ALDH3A2: variants seen among roughly 807,000 people sequenced by gnomAD.
ALDH3A2 encodes the protein aldehyde dehydrogenase family 3 member A2.
Under a neutral mutation model 51.3 loss-of-function variants are expected in ALDH3A2, and 36 were observed. The observed-to-expected ratio is 0.70, with a 90% CI of 0.54 to 0.93. The LOEUF is 0.93. ALDH3A2 is among the 40% of genes least tolerant of loss of function. The pLI, the probability that ALDH3A2 is intolerant of heterozygous loss-of-function variation, is 0.00. For synonymous variants in ALDH3A2, 199 were observed against 219.8 expected, an observed-to-expected ratio of 0.91 and a Z score of 0.84; for missense variants, 552 against 603.1, an observed-to-expected ratio of 0.92 and a Z score of 0.89.
At chr17:19,672,028 C>A in intron 9 of ALDH3A2, 72 bp downstream of exon 9, 2 of 1,319,234 alleles carry the variant, frequency 1.5e-6, no homozygotes, top group Non-Finnish European at 2.2e-6. Flanking sequence ...CATATTCTAG[C>A]AGGACTCTAC....
intron 9 of ALDH3A2, 118 bp from the exon 10 acceptor site, chr17:19,675,440 T>A (rs2085174994): frequency 1.9e-6 from 2 of 1,035,224 alleles, no homozygotes; most frequent in Non-Finnish European, 3.1e-6. Context: ...ACAATGCATG[T>A]AGAGTCTCTT....
intron 8 of ALDH3A2, among the ~76,000 whole-genome samples, chr17:19,669,935 C>G (rs760778086): frequency 1.3e-5 from 2 of 152,114 alleles, no homozygotes; most frequent in Non-Finnish European, 2.9e-5. Flanking sequence ...CCACCGTGCC[C>G]GGTCAAATGC....
chr17:19,662,151 T>G (rs1376052698), intron 6 of ALDH3A2: 2 of 152,202 alleles, frequency 1.3e-5, no homozygotes, highest in African/African-American at 4.8e-5. Context: ...ATCCTCAGCA[T>G]GTCCACATTG....
chr17:19,665,162 C>G lies in ALDH3A2; in HGVS notation c.1207+115C>G. Reference sequence around the variant, plus strand: ...TGTTGCGTACCCTGATTGTCCTCTCCTGAGGGAGACCTTTTCCTGGTCACC... The same window carrying G: ...TGTTGCGTACCCTGATTGTCCTCTCGTGAGGGAGACCTTTTCCTGGTCACC... On this transcript the variant is annotated intron_variant, in intron 8 of 9. Transcript: ENST00000176643. The G allele has an allele frequency of 3.3e-6, 3 of 906,258 alleles. No individual in the cohort carries two copies. In the East Asian group the frequency reaches 8.6e-5, roughly 26 times the overall value. 56.1% of individuals were successfully genotyped at this position (906,258 alleles called of 1,614,324 possible).
chr17:19,672,047 G>A, intron 9 of ALDH3A2, 91 bp downstream of exon 9: 1 of 1,238,110 alleles, frequency 8.1e-7, no homozygotes, highest in Non-Finnish European at 1.2e-6. Flanking sequence ...ACATTAACTT[G>A]TAGAGTCTAA....
intron 9 of ALDH3A2, 34 bp downstream of exon 9, chr17:19,671,990 C>T (rs752742788): frequency 1.9e-6 from 3 of 1,573,142 alleles, no homozygotes; most frequent in East Asian, 4.5e-5. Flanking sequence ...GCCATTCAGT[C>T]TGGTCCTGGC....
chr17:19,653,963 A>G (rs1567598549), intron 3 of ALDH3A2, among the ~76,000 whole-genome samples: 1 of 152,320 alleles, frequency 6.6e-6, no homozygotes, highest in East Asian at 1.9e-4. Flanking sequence ...CTAGCTAGAC[A>G]TAAAAGTTCT....
chr17:19,656,563 C>T lies in ALDH3A2; in HGVS notation c.669C>T (p.Asp223=). ...PCYIDKDCDL[D]IVCRRITWGK... Reference sequence around the variant, plus strand: ...ATATTGATAAAGATTGTGACCTGGACATTGTTTGCAGGTGAGTCTGGCTCT... The same window carrying T: ...ATATTGATAAAGATTGTGACCTGGATATTGTTTGCAGGTGAGTCTGGCTCT... The change falls in exon 4 of 10, where the codon GAC becomes GAT. Residue 223 remains aspartate (D), a synonymous_variant. Coordinates refer to ENST00000176643, the MANE Select transcript of ALDH3A2 (RefSeq NM_000382.3). The T allele has an allele frequency of 6.2e-7, 1 of 1,611,960 alleles. No homozygotes were observed. Among genetic ancestry groups the T allele is most frequent in the East Asian group, 2.2e-5 (1 of 44,842 alleles).
rs1597577540 is a variant in ALDH3A2 at position 19,675,922 on chromosome 17, A to C, written c.*350A>C. ...TTCACTCCAGTTAATGGCACTGCTC[A>C]CTTCCTGCCTCTGCTGCCACCATCA... is the stretch of plus-strand genomic sequence containing the variant. On this transcript the variant is annotated 3_prime_UTR_variant, in exon 10 of 10. Coordinates refer to ENST00000176643, the MANE Select transcript of ALDH3A2 (RefSeq NM_000382.3). 2.9e-6 allele frequency: 1 copy of C among 345,468 alleles called. No individual in the cohort carries two copies. Among genetic ancestry groups the C allele is most frequent in the Admixed American group, 4.2e-5 (1 of 24,068 alleles). 21.4% of individuals were successfully genotyped at this position (345,468 alleles called of 1,614,324 possible).
chr17:19,673,434 T>C (rs2085147459), intron 9 of ALDH3A2, among the ~76,000 whole-genome samples: 5 of 151,406 alleles, frequency 3.3e-5, no homozygotes, highest in Admixed American at 2.6e-4. Flanking sequence ...GAAAAAAGAA[T>C]GGGCCGGGCG....
At chr17:19,674,810 C>A (rs1205355175) in intron 9 of ALDH3A2, 3 of 152,150 alleles carry the variant, frequency 2.0e-5, no homozygotes, top group African/African-American at 7.2e-5. Context: ...TGAATCTGTA[C>A]TGTATATTTA....
intron 1 of ALDH3A2, 21 bp from the exon 2 acceptor site, chr17:19,651,526 A>T: frequency 6.3e-7 from 1 of 1,583,458 alleles, no homozygotes; most frequent in Non-Finnish European, 8.7e-7. Flanking sequence ...TGCAAGATTA[A>T]CTGTGATTCT....
chr17:19,673,122 T>G (rs201423043), intron 9 of ALDH3A2: 37 of 1,614,100 alleles, frequency 2.3e-5, no homozygotes, highest in African/African-American at 4.0e-5. Context: ...AGATACCAGT[T>G]GCATTTGAAA....
In ALDH3A2 at chr17:19,654,431, TGGC is replaced by T. The variant is rs1394594043; in HGVS notation, c.471+1802_471+1804del. On this transcript the variant is annotated intron_variant, in intron 3 of 9. Coordinates refer to ENST00000176643, the MANE Select transcript of ALDH3A2 (RefSeq NM_000382.3). This position sits in a 1 kb window ranked among gnomAD's most constrained non-coding sequence, Gnocchi z 4.5. ...AGGGGCGGGGTGGGGGCCTTGGGCA[TGGC>T]GGGCTGCAGGTCCCGAGCCCTGCCC... Among the ~76,000 whole-genome samples the T allele has an allele frequency of 6.6e-6, 1 of 152,138 alleles. No individual in the cohort carries two copies. The highest frequency in any genetic ancestry group is 1.5e-5 in the Non-Finnish European group (1 of 68,016).
chr17:19,648,616 T>C, upstream of ALDH3A2: 1 of 328,354 alleles, frequency 3.0e-6, no homozygotes, highest in Non-Finnish European at 5.8e-6. Context: ...GCTCCCGCAC[T>C]GCTCACTCCA....
At position 19,657,788 on chromosome 17, in the gene ALDH3A2, A is replaced by ATTG; in HGVS notation, c.725_727dup (p.Ile242_Ala243insVal). 1 of 1,614,132 alleles carries ATTG rather than the reference A, an allele frequency of 6.2e-7. No homozygotes were observed. ...ATACATGAATTGTGGCCAAACCTGC[A>ATTG]TTGCACCCGACTATATTCTCTGTGA... On this transcript the variant is annotated inframe_insertion, in exon 5 of 10. Coordinates refer to ENST00000176643, the MANE Select transcript of ALDH3A2 (RefSeq NM_000382.3).
chr17:19,661,278 A>G lies in ALDH3A2; in HGVS notation c.940+10A>G, dbSNP rs1288338345. Reference sequence around the variant, plus strand: ...GCCACACGCTACATAGGTAATGGAAATTCTCCTTTTCCTATGGGAAGATGG... The same window carrying G: ...GCCACACGCTACATAGGTAATGGAAGTTCTCCTTTTCCTATGGGAAGATGG... On this transcript the variant is annotated intron_variant, in intron 6 of 9. Coordinates refer to ENST00000176643, the MANE Select transcript of ALDH3A2 (RefSeq NM_000382.3). The G allele has an allele frequency of 6.2e-7, 1 of 1,614,118 alleles. No individual in the cohort carries two copies.
intron 1 of ALDH3A2, among the ~76,000 whole-genome samples, chr17:19,651,176 C>T (rs932011813): frequency 3.3e-5 from 5 of 152,148 alleles, no homozygotes; most frequent in African/African-American, 1.2e-4. Flanking sequence ...AGGTCAAAAG[C>T]ATGATTGCTG....
chr17:19,649,413 C>T (rs538538908), intron 1 of ALDH3A2: 2 of 395,590 alleles, frequency 5.1e-6, no homozygotes, highest in East Asian at 8.6e-5. Context: ...TGTAGGAACT[C>T]TTTGTATATT....
Sources: allele counts gnomAD v4.1 joint callset (sites outside exome capture counted in the v4.1 genomes callset), GRCh38; gene constraint gnomAD v4.1.1; non-coding constraint Gnocchi (gnomAD v3.1); transcripts MANE v1.5; gene names NCBI Gene and HGNC (gene_info 2026-07-23, HGNC 2026-07-21).